Variants in ERH observed in about 807,000 individuals in gnomAD.
ERH encodes the protein enhancer of rudimentary homolog.
ERH carries 1 observed loss-of-function variant against 16.8 expected under a neutral mutation model. That is an observed-to-expected ratio of 0.06 (90% CI 0.02 to 0.28). The LOEUF (loss-of-function observed/expected upper bound fraction) is 0.28. Ranked by LOEUF, ERH falls within the 10% of genes least tolerant of loss-of-function variation. ERH has a pLI of 1.00. For synonymous variants in ERH, 43 were observed against 43.6 expected, an observed-to-expected ratio of 0.99 and a Z score of 0.05; for missense variants, 42 against 127.5, an observed-to-expected ratio of 0.33 and a Z score of 3.23.
intron 2 of ERH, among the ~76,000 whole-genome samples, chr14:69,387,880 TAA>T (rs1187815162): frequency 2.6e-5 from 4 of 151,570 alleles, no homozygotes; most frequent in Admixed American, 1.3e-4. Flanking sequence ...CTGTCTCTAC[TAA>T]AAAAATACAA....
chr14:69,390,776 A>C (rs1034814456), intron 2 of ERH, among the ~76,000 whole-genome samples: 1 of 152,240 alleles, frequency 6.6e-6, no homozygotes, highest in Non-Finnish European at 1.5e-5. Context: ...CTATCTGATA[A>C]AGGACTAATG....
At chr14:69,398,094 G>C in intron 1 of ERH, 137 bp downstream of exon 1, 1 of 1,128,226 alleles carries the variant, frequency 8.9e-7, no homozygotes. Context: ...GGGAAGAAGG[G>C]TCAATCCACC....
chr14:69,397,713 GT>G (rs1882388390), intron 1 of ERH, among the ~76,000 whole-genome samples: 1 of 152,150 alleles, frequency 6.6e-6, no homozygotes, highest in East Asian at 1.9e-4. Context: ...GAGGTCAGGA[GT>G]TCGAGACCAG....
At chr14:69,394,288 A>T (rs942715131) in intron 2 of ERH, among the ~76,000 whole-genome samples, 21 of 143,072 alleles carry the variant, frequency 1.5e-4, no homozygotes, top group Admixed American at 9.7e-4. Flanking sequence ...ACATTAGTTT[A>T]AAAAAAAAAA....
chr14:69,397,249 G>T (rs1195619487), intron 1 of ERH, among the ~76,000 whole-genome samples: 1 of 152,146 alleles, frequency 6.6e-6, no homozygotes, highest in Admixed American at 6.5e-5. Context: ...ATTCTTTACA[G>T]ATTATACCAC....
chr14:69,392,082 CCAAA>C lies in ERH; in HGVS notation c.91+2739_91+2742del, dbSNP rs140840601. Among the ~76,000 whole-genome samples, 379 of 151,930 alleles carry C rather than the reference CCAAA, an allele frequency of 2.5e-3. 3 individuals carry two copies. The highest frequency in any genetic ancestry group is 8.8e-3 in the African/African-American group (364 of 41,444). On this transcript the variant is annotated intron_variant, in intron 2 of 3. Coordinates refer to ENST00000557016, the MANE Select transcript of ERH (RefSeq NM_004450.3). ...GGCGTATGCTGGAGCTCTGTACTTT[CCAAA>C]CAATTTTCCCATAAGCCTAAAACTG... is the stretch of plus-strand genomic sequence containing the variant.
At chr14:69,394,774 C>T in intron 2 of ERH, 51 bp downstream of exon 2, 1 of 1,411,820 alleles carries the variant, frequency 7.1e-7, no homozygotes, top group Middle Eastern at 1.8e-4. Flanking sequence ...GGGGAAAAAC[C>T]CAGTTCCTAA....
At chr14:69,396,418 T>C (rs1305328373) in intron 1 of ERH, among the ~76,000 whole-genome samples, 1 of 152,188 alleles carries the variant, frequency 6.6e-6, no homozygotes, top group African/African-American at 2.4e-5. Context: ...TGCACCACCA[T>C]GCTCGGCTAA....
intron 3 of ERH, among the ~76,000 whole-genome samples, chr14:69,382,843 C>T (rs951171249): frequency 4.0e-5 from 6 of 150,660 alleles, no homozygotes; most frequent in Non-Finnish European, 7.4e-5. Flanking sequence ...AGCTGTGTGT[C>T]GATGGCTGTT....
intron 2 of ERH, among the ~76,000 whole-genome samples, chr14:69,388,535 T>C (rs2045906151): frequency 6.6e-6 from 1 of 152,140 alleles, no homozygotes; most frequent in Non-Finnish European, 1.5e-5. Flanking sequence ...TAACTTTTTG[T>C]ATTTTTAGTA....
intron 1 of ERH, among the ~76,000 whole-genome samples, chr14:69,396,270 AT>A (rs1016390430): frequency 6.6e-6 from 1 of 151,862 alleles, no homozygotes; most frequent in Admixed American, 6.6e-5. Flanking sequence ...GAATAACATA[AT>A]TTTTTTTTGG....
At chr14:69,387,288 G>A (rs533749169) in intron 2 of ERH, among the ~76,000 whole-genome samples, 10 of 152,290 alleles carry the variant, frequency 6.6e-5, no homozygotes, top group African/African-American at 2.4e-4. Flanking sequence ...CAGGTGTAGT[G>A]GCTTACGCCT....
chr14:69,385,703 T>G (rs1315048753), intron 3 of ERH, among the ~76,000 whole-genome samples: 1 of 151,916 alleles, frequency 6.6e-6, no homozygotes, highest in Non-Finnish European at 1.5e-5. Context: ...TCCTCTCTTT[T>G]CATTCCCTTC....
At chr14:69,392,811 T>G (rs1321403412) in intron 2 of ERH, among the ~76,000 whole-genome samples, 23 of 152,208 alleles carry the variant, frequency 1.5e-4, no homozygotes, top group Admixed American at 1.4e-3. Context: ...TCGGAAAAAC[T>G]GTAGTTTCTG....
intron 2 of ERH, among the ~76,000 whole-genome samples, chr14:69,390,435 A>G (rs2045917824): frequency 6.6e-6 from 1 of 152,222 alleles, no homozygotes; most frequent in East Asian, 1.9e-4. Context: ...CTTTTTGACA[A>G]GCATGCCAAA....
In ERH at chr14:69,385,125, G is replaced by A. The variant is rs117590001; in HGVS notation, c.212+1838C>T. Among the ~76,000 whole-genome samples the A allele has an allele frequency of 6.0e-4, 91 of 152,174 alleles. 1 individual carries two copies. The East Asian group carries it at 0.016, about 27-fold the overall frequency. On this transcript the variant is annotated intron_variant, in intron 3 of 3. Coordinates refer to ENST00000557016, the MANE Select transcript of ERH (RefSeq NM_004450.3). Reference sequence around the variant, plus strand: ...AATTAAAGCTCATGGTCATTCAGTCGTTGCTGTTGTCCTCATATATGCCCT... The same window carrying A: ...AATTAAAGCTCATGGTCATTCAGTCATTGCTGTTGTCCTCATATATGCCCT...
In ERH at chr14:69,398,224, T is replaced by C. The variant is rs1462697478; in HGVS notation, c.3+7A>G. On this transcript the variant is annotated splice_region_variant and intron_variant, in intron 1 of 3. Transcript: ENST00000557016. Reference sequence around the variant, plus strand: ...CGGACTCGGGTAGCCGCGGAGGCCTTTCTCACCATCGCGCCAAACTCTCTT... The same window carrying C: ...CGGACTCGGGTAGCCGCGGAGGCCTCTCTCACCATCGCGCCAAACTCTCTT... 1 of 1,614,042 alleles carries C rather than the reference T, an allele frequency of 6.2e-7. No individual in the cohort carries two copies. Among genetic ancestry groups the C allele is most frequent in the East Asian group, 2.2e-5 (1 of 44,868 alleles).
Position 69,395,020 on chromosome 14 carries a change from T to A in ERH, c.4-108A>T, listed in dbSNP as rs533216400. ...CAATAATGATTGCTAGTTATTAAAA[T>A]GTAATTAGAGAGGCCAGGCATGGCA... On this transcript the variant is annotated intron_variant, in intron 1 of 3. Coordinates refer to ENST00000557016, the MANE Select transcript of ERH (RefSeq NM_004450.3). 1.4e-5 allele frequency: 11 copies of A among 792,738 alleles called. No individual in the cohort carries two copies. In the African/African-American group the frequency reaches 1.9e-4, roughly 14 times the overall value. The allele number at this position is 792,738 out of a possible 1,614,324, so 49.1% of individuals were successfully genotyped here.
At chr14:69,394,971 A>G in intron 1 of ERH, 59 bp from the exon 2 acceptor site, 2 of 655,002 alleles carry the variant, frequency 3.1e-6, no homozygotes, top group Non-Finnish European at 4.9e-6. Context: ...ATAGTATGAT[A>G]AAAAAAAATC....
Sources: allele counts gnomAD v4.1 joint callset (sites outside exome capture counted in the v4.1 genomes callset), GRCh38; gene constraint gnomAD v4.1.1; transcripts MANE v1.5; gene names NCBI Gene and HGNC (gene_info 2026-07-23, HGNC 2026-07-21).